KCTD15: variants seen among roughly 807,000 people sequenced by gnomAD.
KCTD15 encodes the protein potassium channel tetramerization domain containing 15.
A neutral mutation model predicts 27.2 loss-of-function variants in KCTD15; 11 were observed. That is an observed-to-expected ratio of 0.41 (90% CI 0.25 to 0.67). The LOEUF (loss-of-function observed/expected upper bound fraction) is 0.67. Among genes scored for constraint, KCTD15 ranks in the 30% least tolerant of loss-of-function variants. The pLI is 0.35. For synonymous variants in KCTD15, 163 were observed against 176.0 expected, an observed-to-expected ratio of 0.93 and a Z score of 0.58; for missense variants, 350 against 409.3, an observed-to-expected ratio of 0.86 and a Z score of 1.25.
chr19:33,810,567 C>G (rs1036996746), intron 5 of KCTD15, among the ~76,000 whole-genome samples: 3 of 151,818 alleles, frequency 2.0e-5, no homozygotes, highest in African/African-American at 7.3e-5. Context: ...GTAGTCCCAG[C>G]TACTCGGGAG....
chr19:33,807,493 G>A (rs1213110888), intron 5 of KCTD15, among the ~76,000 whole-genome samples: 2 of 152,222 alleles, frequency 1.3e-5, no homozygotes, highest in Non-Finnish European at 2.9e-5. Context: ...GGAGGCCGAG[G>A]CGGGTGGATC....
At chr19:33,798,501 A>G (rs1975428783) in intron 1 of KCTD15, 167 bp from the exon 2 acceptor site, 1 of 152,266 alleles carries the variant, frequency 6.6e-6, no homozygotes, top group Non-Finnish European at 1.5e-5. Flanking sequence ...GAAGCGGGTC[A>G]CTACCGGGCC....
Position 33,801,211 on chromosome 19 carries a change from G to T in KCTD15, c.111G>T (p.Val37=). Reference sequence around the variant, plus strand: ...GGCTGTCTCTCACCCGGTCGCCTGTGTCTCCCCTGGCTGCCCAGGGCATCC... The same window carrying T: ...GGCTGTCTCTCACCCGGTCGCCTGTTTCTCCCCTGGCTGCCCAGGGCATCC... ...MSRLSLTRSP[V]SPLAAQGIPL... is the part of the protein sequence containing the mutation. Residue 37 remains valine, a synonymous_variant, in exon 4 of 7, where the codon GTG becomes GTT. Coordinates refer to ENST00000683859, the MANE Select transcript of KCTD15 (RefSeq NM_001129994.2). The T allele has an allele frequency of 6.2e-7, 1 of 1,612,708 alleles. No homozygotes were observed.
intron 3 of KCTD15, among the ~76,000 whole-genome samples, 174 bp downstream of exon 3, chr19:33,800,694 A>G (rs982606720): frequency 3.9e-5 from 6 of 152,204 alleles, no homozygotes; most frequent in African/African-American, 1.2e-4. Flanking sequence ...TGTGAAATTT[A>G]CTACATGTAT....
At chr19:33,806,395 G>A (rs1303943977) in intron 4 of KCTD15, among the ~76,000 whole-genome samples, 1 of 152,214 alleles carries the variant, frequency 6.6e-6, no homozygotes, top group Non-Finnish European at 1.5e-5. Context: ...TACATGGGTT[G>A]GGTGGGGAGG....
At chr19:33,798,020 C>T (rs1975402825) in intron 1 of KCTD15, among the ~76,000 whole-genome samples, 1 of 152,168 alleles carries the variant, frequency 6.6e-6, no homozygotes, top group African/African-American at 2.4e-5. Flanking sequence ...GCGCCTCCAG[C>T]CTTGGCCCAA....
Position 33,797,269 on chromosome 19 carries a change from TGTGTGTGTGTGTGTGCGCGC to T in KCTD15, c.-127+284_-127+303del, listed in dbSNP as rs771400279. On this transcript the variant is annotated intron_variant, in intron 1 of 6. Coordinates refer to ENST00000683859, the MANE Select transcript of KCTD15 (RefSeq NM_001129994.2). The stretch of plus-strand genomic sequence containing the variant: ...CGCGGTGTGTGTGTGTGTGTGTGTG[TGTGTGTGTGTGTGTGCGCGC>T]GCGCGCGCGCGCGCTTGTGGAGGTC... The T allele has an allele frequency of 3.8e-4, 116 of 305,650 alleles. 2 individuals are homozygous for T. The highest frequency in any genetic ancestry group is 6.1e-4 in the Non-Finnish European group (95 of 156,638). The allele number at this position is 305,650 out of a possible 1,614,324, so 18.9% of individuals were successfully genotyped here. A position where few individuals can be genotyped will look rare whatever the true frequency, so the allele number is the denominator to read the frequency against.
chr19:33,803,398 C>A (rs72623851), intron 4 of KCTD15, among the ~76,000 whole-genome samples: 4 of 152,240 alleles, frequency 2.6e-5, no homozygotes, highest in African/African-American at 7.2e-5. Context: ...TGTCACTGAT[C>A]TAGGAGACAC....
chr19:33,795,524 T>C (rs564489421), upstream of KCTD15, among the ~76,000 whole-genome samples: 2 of 151,774 alleles, frequency 1.3e-5, no homozygotes, highest in African/African-American at 4.8e-5. Context: ...TTCCGGCCCG[T>C]GCGCACCCGC....
At chr19:33,809,487 C>T (rs1044330320) in intron 5 of KCTD15, among the ~76,000 whole-genome samples, 1 of 151,960 alleles carries the variant, frequency 6.6e-6, no homozygotes, top group Non-Finnish European at 1.5e-5. Flanking sequence ...GGTTTCTGCC[C>T]CTGCATGGGA....
chr19:33,802,706 T>G (rs1975598253), intron 4 of KCTD15, among the ~76,000 whole-genome samples: 1 of 152,166 alleles, frequency 6.6e-6, no homozygotes, highest in African/African-American at 2.4e-5. Flanking sequence ...GGGAGATAGA[T>G]TCTGCTTATT....
intron 4 of KCTD15, among the ~76,000 whole-genome samples, chr19:33,801,927 C>G (rs1975566234): frequency 6.6e-6 from 1 of 152,130 alleles, no homozygotes; most frequent in Admixed American, 6.5e-5. Context: ...CAGTGACTAG[C>G]TAGGAATGAA....
intron 4 of KCTD15, among the ~76,000 whole-genome samples, chr19:33,802,499 TG>T (rs1343478898): frequency 2.0e-5 from 3 of 152,106 alleles, no homozygotes; most frequent in African/African-American, 7.2e-5. Flanking sequence ...GAGGAAAAAC[TG>T]GAAATGGGTG....
At chr19:33,798,910 A>T (rs1385946518) in intron 2 of KCTD15, 144 bp downstream of exon 2, 5 of 152,300 alleles carry the variant, frequency 3.3e-5, no homozygotes, top group African/African-American at 1.2e-4. Flanking sequence ...AACATCTTGC[A>T]GTCCGCTTTG....
intron 5 of KCTD15, among the ~76,000 whole-genome samples, chr19:33,810,678 AAAAAAAAAAC>A (rs1252604537): frequency 1.2e-4 from 17 of 138,946 alleles, no homozygotes; most frequent in Admixed American, 8.9e-4. Flanking sequence ...ACAAAAACAA[AAAAAAAAAAC>A]AAAAAAAAAC....
In KCTD15 at chr19:33,814,458, T is replaced by C. The variant is rs1192970975; in HGVS notation, c.*1510T>C. 6.6e-6 allele frequency: 1 copy of C among 152,214 alleles called. No homozygotes were observed. The highest frequency in any genetic ancestry group is 2.4e-5 in the African/African-American group (1 of 41,444). 9.4% of individuals were successfully genotyped at this position (152,214 alleles called of 1,614,324 possible). ...GCCTGTCCCCTCAGGGCAGCACAGA[T>C]TCTGAATTCTGATTCACAGTCCCTA... On this transcript the variant is annotated 3_prime_UTR_variant, in exon 7 of 7. Transcript: ENST00000683859.
At chr19:33,803,446 G>C (rs1191291946) in intron 4 of KCTD15, among the ~76,000 whole-genome samples, 2 of 152,218 alleles carry the variant, frequency 1.3e-5, no homozygotes, top group African/African-American at 4.8e-5. Flanking sequence ...GGTCCTCAGG[G>C]GGTTTCTGGA....
Position 33,812,967 on chromosome 19 carries a change from C to G in KCTD15, c.*19C>G, listed in dbSNP as rs1353973900. 5.9e-6 allele frequency: 9 copies of G among 1,529,748 alleles called. No individual in the cohort carries two copies. The highest frequency in any genetic ancestry group is 7.9e-6 in the Non-Finnish European group (9 of 1,139,112). The allele number at this position is 1,529,748 out of a possible 1,614,324, so 94.8% of individuals were successfully genotyped here. ...GGACTAGGCCCTGCTTCAGTGCCCA[C>G]CTGGGCCCCCCCAGGGACCTGGAAA... On this transcript the variant is annotated 3_prime_UTR_variant, in exon 7 of 7. Coordinates refer to ENST00000683859, the MANE Select transcript of KCTD15 (RefSeq NM_001129994.2).
At chr19:33,800,247 C>G (rs943795733) in intron 2 of KCTD15, among the ~76,000 whole-genome samples, 181 bp from the exon 3 acceptor site, 3 of 152,078 alleles carry the variant, frequency 2.0e-5, no homozygotes, top group Non-Finnish European at 4.4e-5. Flanking sequence ...AGCCTGGAGG[C>G]CTGCTTTGGG....
Sources: allele counts gnomAD v4.1 joint callset (sites outside exome capture counted in the v4.1 genomes callset), GRCh38; gene constraint gnomAD v4.1.1; transcripts MANE v1.5; gene names NCBI Gene and HGNC (gene_info 2026-07-23, HGNC 2026-07-21).